BIRC6: variants seen among roughly 807,000 people sequenced by gnomAD.
BIRC6 encodes the protein dual E2 ubiquitin-conjugating enzyme/E3 ubiquitin-protein ligase BIRC6.
BIRC6 carries 98 observed loss-of-function variants against 503.3 expected under a neutral mutation model. The ratio of observed to expected loss-of-function variants is 0.19; its 90% confidence interval spans 0.17 to 0.23. The LOEUF (loss-of-function observed/expected upper bound fraction) is 0.23. BIRC6 is among the 10% of genes least tolerant of loss of function. The probability of loss-of-function intolerance (pLI) is 1.00; values close to 1 mark genes in which losing one functional copy is unlikely to be tolerated. For synonymous variants in BIRC6, 2,240 were observed against 2,078.7 expected (o/e 1.08, Z -2.11); for missense variants, 5,360 against 5,806.0 (o/e 0.92, Z 2.50).
intron 5 of BIRC6, among the ~76,000 whole-genome samples, 162 bp downstream of exon 5, chr2:32,392,312 G>A (rs1273332496): frequency 1.3e-5 from 2 of 152,078 alleles, no homozygotes; most frequent in Non-Finnish European, 1.5e-5. Context: ...GGAGTGCAGC[G>A]CCACAATGTT....
At chr2:32,360,031 A>G (rs1038794694) in intron 1 of BIRC6, among the ~76,000 whole-genome samples, 3 of 152,240 alleles carry the variant, frequency 2.0e-5, no homozygotes, top group Non-Finnish European at 4.4e-5. Context: ...AGCCCTATAA[A>G]TAGAGTAGAG....
intron 9 of BIRC6, among the ~76,000 whole-genome samples, chr2:32,406,812 CAT>C (rs922954150): frequency 1.1e-4 from 17 of 152,264 alleles, no homozygotes; most frequent in African/African-American, 2.4e-4. Flanking sequence ...AGTTTTGTCA[CAT>C]ATGTCAGGTA....
chr2:32,562,006 C>A (rs2059226667), intron 65 of BIRC6, among the ~76,000 whole-genome samples: 1 of 151,948 alleles, frequency 6.6e-6, no homozygotes, highest in Admixed American at 6.6e-5. Flanking sequence ...CATGCCATTG[C>A]ACTCCAGCCT....
chr2:32,439,772 T>C, intron 16 of BIRC6, 86 bp downstream of exon 16: 1 of 1,209,390 alleles, frequency 8.3e-7, no homozygotes, highest in Non-Finnish European at 1.1e-6. Flanking sequence ...TAGTATGACC[T>C]TTCAGTGATG....
At chr2:32,382,993 GT>G (rs1308534079) in intron 3 of BIRC6, among the ~76,000 whole-genome samples, 1 of 150,078 alleles carries the variant, frequency 6.7e-6, no homozygotes, top group East Asian at 2.0e-4. Context: ...AAATGCTGGG[GT>G]TACAGGTGTG....
chr2:32,471,141 G>T lies in BIRC6; in HGVS notation c.6592+17G>T. 3 of 1,554,202 alleles carry T rather than the reference G, an allele frequency of 1.9e-6. No homozygotes were observed. Among genetic ancestry groups the T allele is most frequent in the Non-Finnish European group, 2.6e-6 (3 of 1,147,600 alleles). ...CTTTGAATGGTAAAGACAGGGAGAG[G>T]TTTCTGACAGGTATCAGAAGTTTAT... On this transcript the variant is annotated intron_variant, in intron 32 of 73. Transcript: ENST00000421745.
At position 32,491,531 on chromosome 2, in the gene BIRC6, A is replaced by G. The variant is rs1460407435; in HGVS notation, c.8313A>G (p.Pro2771=). 1.9e-6 allele frequency: 3 copies of G among 1,613,488 alleles called. No individual in the cohort carries two copies. The highest frequency in any genetic ancestry group is 1.6e-4 in the Middle Eastern group (1 of 6,082). ...TGAAATTTCTTTCTGGCACCAGTCC[A>G]CATGGAACAAATCAACACAGTCCAC... ...VLVKFLSGTS[P]HGTNQHSPQV... The change falls in exon 44 of 74, where the codon CCA becomes CCG. Residue 2771 remains proline, a synonymous_variant. Transcript: ENST00000421745.
intron 65 of BIRC6, among the ~76,000 whole-genome samples, chr2:32,558,043 T>A (rs1451713490): frequency 9.9e-5 from 15 of 152,208 alleles, no homozygotes; most frequent in Non-Finnish European, 2.1e-4. Context: ...AGAGAGCTAG[T>A]AAATGTATTT....
intron 8 of BIRC6, among the ~76,000 whole-genome samples, chr2:32,403,989 G>A (rs1431571069): frequency 6.7e-6 from 1 of 150,130 alleles, no homozygotes; most frequent in Non-Finnish European, 1.5e-5. Flanking sequence ...GTGCAGTGGC[G>A]CAATCTTGGC....
chr2:32,514,361 A>G lies in BIRC6; in HGVS notation c.10569-629A>G, dbSNP rs115504713. On this transcript the variant is annotated intron_variant, in intron 54 of 73. Transcript: ENST00000421745. ...AAAATGTAAAGCTAGAAAATTTGAG[A>G]CTTTTCTAGATTGTCCTTTTGACAA... Among the ~76,000 whole-genome samples the G allele has an allele frequency of 1.8e-3, 281 of 152,266 alleles. 1 individual carries two copies. The highest frequency in any genetic ancestry group is 6.5e-3 in the African/African-American group (269 of 41,550).
At position 32,501,807 on chromosome 2, in the gene BIRC6, C is replaced by T; in HGVS notation, c.9126C>T (p.Thr3042=). 6.2e-7 allele frequency: 1 copy of T among 1,613,652 alleles called. No homozygotes were observed. ...ATGGATTATTTACCATACTGACAAC[C>T]CTTAGTAAAAAAGCTTCTACAGTCC... ...VGDGLFTILT[T]LSKKASTVHM... is the part of the protein sequence containing the mutation. Residue 3042 remains threonine (T), a synonymous_variant, in exon 47 of 74, where the codon ACC becomes ACT. Coordinates refer to ENST00000421745, the MANE Select transcript of BIRC6 (RefSeq NM_016252.4).
chr2:32,381,430 G>C (rs2037633667), intron 3 of BIRC6, among the ~76,000 whole-genome samples: 1 of 151,934 alleles, frequency 6.6e-6, no homozygotes, highest in Non-Finnish European at 1.5e-5. Flanking sequence ...AGTAGAGACA[G>C]GGTTTCGCCA....
chr2:32,538,100 T>C (rs534567759), intron 61 of BIRC6, among the ~76,000 whole-genome samples: 3 of 152,348 alleles, frequency 2.0e-5, no homozygotes, highest in African/African-American at 7.2e-5. Flanking sequence ...TACTGCTTTT[T>C]TCTGGGGGTA....
intron 33 of BIRC6, among the ~76,000 whole-genome samples, chr2:32,473,977 A>C (rs550141746): frequency 6.6e-6 from 1 of 151,368 alleles, no homozygotes; most frequent in Admixed American, 6.6e-5. Context: ...GGCTGCTCTC[A>C]AACTCCTGGC....
chr2:32,414,964 A>G lies in BIRC6; in HGVS notation c.1673A>G (p.Glu558Gly), dbSNP rs778538400. ...KSEKTKEKHQ[E>G]QHNIPFPCLL... ...GAAAAGACAAAGGAAAAGCACCAGG[A>G]GCAACACAACATTCCTTTTCCATGT... Residue 558 changes from glutamate to glycine, a missense_variant, in exon 10 of 74, where the codon GAG (glutamate) becomes GGG (glycine). Around this residue, in one of 16 missense-constraint regions of BIRC6, gnomAD observed 700 missense variants for 739.3 expected, o/e 0.95. Coordinates refer to ENST00000421745, the MANE Select transcript of BIRC6 (RefSeq NM_016252.4). 4 of 1,613,878 alleles carry G rather than the reference A, an allele frequency of 2.5e-6. No homozygotes were observed. The highest frequency in any genetic ancestry group is 3.4e-6 in the Non-Finnish European group (4 of 1,179,888).
At chr2:32,379,828 C>A (rs969517966) in intron 2 of BIRC6, among the ~76,000 whole-genome samples, 2 of 152,078 alleles carry the variant, frequency 1.3e-5, no homozygotes, top group Admixed American at 1.3e-4. Context: ...TTAAGTTTGT[C>A]TCTTCAGATT....
intron 8 of BIRC6, among the ~76,000 whole-genome samples, chr2:32,402,008 G>A (rs948624452): frequency 2.0e-5 from 3 of 152,168 alleles, no homozygotes; most frequent in African/African-American, 7.2e-5. Context: ...TTTTTCATTA[G>A]CACCTCAAAT....
intron 23 of BIRC6, among the ~76,000 whole-genome samples, chr2:32,462,068 TG>T (rs1047414397): frequency 2.0e-5 from 3 of 150,320 alleles, no homozygotes; most frequent in African/African-American, 7.3e-5. Context: ...AAAAAAAAGG[TG>T]GGGGGGATCA....
At chr2:32,367,834 C>G (rs994588498) in intron 1 of BIRC6, among the ~76,000 whole-genome samples, 1 of 151,994 alleles carries the variant, frequency 6.6e-6, no homozygotes, top group African/African-American at 2.4e-5. Context: ...CCCACCTTCC[C>G]CCCAAAAGTA....
Sources: gnomAD v4.1 joint callset for allele counts (sites outside exome capture counted in the v4.1 genomes callset) on GRCh38, gnomAD v4.1.1 for gene constraint, gnomAD v4.1.1 regional missense constraint, MANE v1.5 for transcripts, NCBI Gene and HGNC (gene_info 2026-07-23, HGNC 2026-07-21) for gene names.